The following NTAN1 variants were observed in gnomAD, a reference collection of about 807,000 sequenced individuals.
NTAN1 encodes the protein protein N-terminal asparagine amidohydrolase.
NTAN1 carries 32 observed loss-of-function variants against 41.9 expected under a neutral mutation model. The observed-to-expected ratio is 0.76, with a 90% CI of 0.58 to 1.03. The LOEUF (loss-of-function observed/expected upper bound fraction) is 1.03, where lower values mean the gene tolerates loss of function less well. Among genes scored for constraint, NTAN1 ranks in the 50% least tolerant of loss-of-function variants. The pLI, the probability that NTAN1 is intolerant of heterozygous loss-of-function variation, is 0.00. For missense variants in NTAN1, 377 were observed against 377.5 expected (o/e 1.00, Z 0.01); for synonymous variants, 140 against 139.5 (o/e 1.00, Z -0.03).
In NTAN1 at chr16:15,056,002, GA is replaced by G; in HGVS notation, c.-32del. The stretch of plus-strand genomic sequence containing the variant: ...AGGCGGCCGCCCAGGCAGGCCCAGG[GA>G]GGCGGCGGCCCCCCGCTTTGCAGCC... On this transcript the variant is annotated 5_prime_UTR_variant, in exon 1 of 10. Coordinates refer to ENST00000287706, the MANE Select transcript of NTAN1 (RefSeq NM_173474.4). 1 of 1,169,328 alleles carries G rather than the reference GA, an allele frequency of 8.6e-7. No individual in the cohort carries two copies. The highest frequency in any genetic ancestry group is 1.1e-6 in the Non-Finnish European group (1 of 940,614). The allele number at this position is 1,169,328 out of a possible 1,614,324, so 72.4% of individuals were successfully genotyped here. A position where few individuals can be genotyped will look rare whatever the true frequency, so the allele number is the denominator to read the frequency against.
rs1413318214 is a variant in NTAN1, at chr16:15,052,658, G to A, written c.81+3233C>T. 3.9e-5 allele frequency among the ~76,000 whole-genome samples: 6 copies of A among 152,112 alleles called. No homozygotes were observed. The East Asian group carries it at 9.7e-4, about 25-fold the overall frequency. ...AGACCAGCCTGGCCAACATGTTGAA[G>A]CCCCATCTCTACTAAAAATACAAAA... On this transcript the variant is annotated intron_variant, in intron 1 of 9. Coordinates refer to ENST00000287706, the MANE Select transcript of NTAN1 (RefSeq NM_173474.4).
chr16:15,039,855 A>T, intron 8 of NTAN1, 114 bp downstream of exon 8: 1 of 678,604 alleles, frequency 1.5e-6, no homozygotes, highest in Non-Finnish European at 2.6e-6. Context: ...CTGATAATGT[A>T]CGGCTATAAA....
Position 15,048,118 on chromosome 16 carries a change from AAT to A in NTAN1, c.82-21_82-20del. 2 of 1,502,910 alleles carry A rather than the reference AAT, an allele frequency of 1.3e-6. No individual in the cohort carries two copies. Among genetic ancestry groups the A allele is most frequent in the Non-Finnish European group, 1.8e-6 (2 of 1,094,228 alleles). 93.1% of individuals were successfully genotyped at this position (1,502,910 alleles called of 1,614,324 possible). On this transcript the variant is annotated intron_variant, in intron 1 of 9. Transcript: ENST00000287706. ...CTCTTTCCTGTTTAATTAAAAAAAA[AAT>A]AAAATAGTGATGTAAATTAGTGAGG...
At chr16:15,054,945 CAG>C (rs1597827863) in intron 1 of NTAN1, among the ~76,000 whole-genome samples, 1 of 152,192 alleles carries the variant, frequency 6.6e-6, no homozygotes, top group East Asian at 1.9e-4. Flanking sequence ...CTTCCCATCT[CAG>C]AGTGAAAGGG....
At chr16:15,051,794 G>A (rs888477354) in intron 1 of NTAN1, among the ~76,000 whole-genome samples, 4 of 149,644 alleles carry the variant, frequency 2.7e-5, no homozygotes, top group African/African-American at 9.9e-5. Flanking sequence ...TCAAACTCCT[G>A]GGCTCAAGCA....
intron 5 of NTAN1, among the ~76,000 whole-genome samples, chr16:15,043,931 G>A (rs1406211391): frequency 2.0e-5 from 3 of 151,936 alleles, no homozygotes; most frequent in Admixed American, 2.0e-4. Context: ...TTGGGCAACA[G>A]AGCAAGACTA....
chr16:15,047,421 T>G, intron 4 of NTAN1, 21 bp downstream of exon 4: 240 of 1,458,256 alleles, frequency 1.6e-4, no homozygotes, highest in Non-Finnish European at 2.1e-4. Context: ...AATTCACCTA[T>G]GAGAGCAGCG....
Position 15,040,034 on chromosome 16 carries a change from C to G in NTAN1, c.574G>C (p.Ala192Pro), listed in dbSNP as rs142724894. 434 of 1,610,228 alleles carry G rather than the reference C, an allele frequency of 2.7e-4. 2 individuals carry two copies. The highest frequency in any genetic ancestry group is 3.5e-4 in the Non-Finnish European group (414 of 1,176,830). The change falls in exon 8 of 10, where the codon GCA becomes CCA. Residue 192 changes from alanine to proline, a missense_variant. By Grantham distance (27) the Ala-to-Pro change is conservative (BLOSUM62 -1). Transcript: ENST00000287706. ...TCCGGACCCCGATCTTGAAAGGATG[C>G]TCTGTAAATCTCTGCAGTCTTAATG... ...VNIKTAEIYR[A>P]SFQDRGPEEQ...
intron 5 of NTAN1, among the ~76,000 whole-genome samples, chr16:15,042,653 G>A (rs1300417865): frequency 1.3e-5 from 2 of 152,080 alleles, no homozygotes; most frequent in East Asian, 1.9e-4. Flanking sequence ...AAATCTCTAT[G>A]CACATTTCAG....
chr16:15,046,853 C>G (rs796786580), intron 4 of NTAN1, among the ~76,000 whole-genome samples: 1 of 151,926 alleles, frequency 6.6e-6, no homozygotes, highest in African/African-American at 2.4e-5. Context: ...CCAGACAGGG[C>G]GACACAGCAA....
At chr16:15,053,940 CAAAA>C (rs757082624) in intron 1 of NTAN1, among the ~76,000 whole-genome samples, 17 of 152,054 alleles carry the variant, frequency 1.1e-4, no homozygotes, top group Non-Finnish European at 1.8e-4. Context: ...AACAAACAAA[CAAAA>C]AACCCAACCT....
chr16:15,044,304 T>A, intron 5 of NTAN1, 30 bp downstream of exon 5: 1 of 1,514,824 alleles, frequency 6.6e-7, no homozygotes, highest in African/African-American at 1.4e-5. Flanking sequence ...TATGTCCAAT[T>A]TGGGGGAAAG....
intron 1 of NTAN1, among the ~76,000 whole-genome samples, chr16:15,050,891 CTAAAGAT>C (rs544682533): frequency 2.7e-3 from 404 of 152,268 alleles, no homozygotes; most frequent in Non-Finnish European, 4.2e-3. Flanking sequence ...AAGAAACAAA[CTAAAGAT>C]TAAATGAACT....
chr16:15,038,337 GC>G, intron 9 of NTAN1, 127 bp from the exon 10 acceptor site: 1 of 697,250 alleles, frequency 1.4e-6, no homozygotes, highest in Non-Finnish European at 2.3e-6. Flanking sequence ...AAATGAGGTG[GC>G]CTGAATTAGT....
chr16:15,048,884 A>G lies in NTAN1; in HGVS notation c.82-785T>C, dbSNP rs188416480. The stretch of plus-strand genomic sequence containing the variant: ...AGCAATCCACCCACCCTGGCCTCCT[A>G]AAGTGCTGGGAGTACAGGCACACAC... On this transcript the variant is annotated intron_variant, in intron 1 of 9. Coordinates refer to ENST00000287706, the MANE Select transcript of NTAN1 (RefSeq NM_173474.4). Among the ~76,000 whole-genome samples the G allele has an allele frequency of 3.1e-4, 46 of 147,636 alleles. No homozygotes were observed. In the South Asian group the frequency reaches 9.0e-3, roughly 29 times the overall value.
intron 5 of NTAN1, among the ~76,000 whole-genome samples, chr16:15,042,611 T>G (rs2043865814): frequency 6.6e-6 from 1 of 152,244 alleles, no homozygotes; most frequent in African/African-American, 2.4e-5. Flanking sequence ...TTTCCTGTTA[T>G]AAGTAATGTT....
At chr16:15,042,717 A>ATTTAT (rs2043871189) in intron 5 of NTAN1, among the ~76,000 whole-genome samples, 2 of 89,374 alleles carry the variant, frequency 2.2e-5, no homozygotes, top group Non-Finnish European at 5.4e-5. Flanking sequence ...CAAAGGATGA[A>ATTTAT]CTATTTATTT....
rs1136001 is a variant in NTAN1, at chr16:15,038,117, G to A, written c.847C>T (p.His283Tyr). ...GCTTTATTTCCAGAAAACAGTGTGTGAGCTGGAGATGGGTGTTTTTTTAAA... is the reference window on the plus strand; with the variant it reads ...GCTTTATTTCCAGAAAACAGTGTGTAAGCTGGAGATGGGTGTTTTTTTAAA... ...MFLKKHPSPA[H>Y]TLFSGNKALL... Residue 283 changes from histidine to tyrosine, a missense_variant, in exon 10 of 10, where the codon CAC (histidine) becomes TAC (tyrosine). By Grantham distance (83) the His-to-Tyr change is moderately conservative. Coordinates refer to ENST00000287706, the MANE Select transcript of NTAN1 (RefSeq NM_173474.4). The A allele has an allele frequency of 6.2e-7, 1 of 1,611,472 alleles. No individual in the cohort carries two copies. The highest frequency in any genetic ancestry group is 2.2e-5 in the East Asian group (1 of 44,852).
chr16:15,044,464 G>A, intron 4 of NTAN1, 57 bp from the exon 5 acceptor site: 1 of 1,115,976 alleles, frequency 9.0e-7, no homozygotes, highest in East Asian at 2.4e-5. Context: ...GCGTGCGCTG[G>A]TCTCACTTTG....
Sources: allele counts gnomAD v4.1 joint callset (sites outside exome capture counted in the v4.1 genomes callset), GRCh38; gene constraint gnomAD v4.1.1; transcripts MANE v1.5; gene names NCBI Gene and HGNC (gene_info 2026-07-23, HGNC 2026-07-21).